DLK2: variants seen among roughly 807,000 people sequenced by gnomAD.
DLK2 encodes delta like non-canonical Notch ligand 2.
DLK2 carries 9 observed loss-of-function variants against 31.3 expected under a neutral mutation model. The observed-to-expected ratio is 0.29, with a 90% CI of 0.17 to 0.50. DLK2 has a LOEUF of 0.50. DLK2 is among the 20% of genes least tolerant of loss of function. DLK2 has a pLI of 0.98. For synonymous variants in DLK2, 169 were observed against 201.2 expected (o/e 0.84, Z 1.35); for missense variants, 387 against 526.1 (o/e 0.74, Z 2.59).
Position 43,454,884 on chromosome 6 carries a change from T to C in DLK2, c.-55-4A>G. On this transcript the variant is annotated splice_region_variant and splice_polypyrimidine_tract_variant and intron_variant, in intron 1 of 5. Transcript: ENST00000372488. ...GGACGGCCGGACGCGTGGACACCTG[T>C]GGGACGGCACCGGTTGGGAGGCGGC... 1.3e-6 allele frequency: 2 copies of C among 1,529,260 alleles called. No homozygotes were observed. The highest frequency in any genetic ancestry group is 1.7e-6 in the Non-Finnish European group (2 of 1,143,530). 94.7% of individuals were successfully genotyped at this position (1,529,260 alleles called of 1,614,324 possible).
In DLK2 at chr6:43,451,811, T is replaced by G; in HGVS notation, c.416+129A>C. ...CTAGGAACACTTTGGCATGCAGGGG[T>G]TTTATCTGAGTGTCCCCGTGTGGGT... On this transcript the variant is annotated intron_variant, in intron 5 of 5. Coordinates refer to ENST00000372488, the MANE Select transcript of DLK2 (RefSeq NM_023932.4). This position sits in a 1 kb window ranked among gnomAD's most constrained non-coding sequence, Gnocchi z 4.4. The G allele has an allele frequency of 6.4e-6, 9 of 1,417,296 alleles. No individual in the cohort carries two copies. The highest frequency in any genetic ancestry group is 3.3e-5 in the South Asian group (2 of 61,146). 87.8% of individuals were successfully genotyped at this position (1,417,296 alleles called of 1,614,324 possible).
At position 43,454,753 on chromosome 6, in the gene DLK2, G is replaced by T. The variant is rs1252186975; in HGVS notation, c.73C>A (p.Arg25=). 2 of 1,551,146 alleles carry T rather than the reference G, an allele frequency of 1.3e-6. No individual in the cohort carries two copies. The highest frequency in any genetic ancestry group is 1.7e-6 in the Non-Finnish European group (2 of 1,153,730). ...CILGAPGQPV[R]ADDCSSHCDL... Reference sequence around the variant, plus strand: ...GGAGCCCAGCGGGCGCGCTCACCTCGGACAGGCTGACCGGGAGCCCCCAGA... The same window carrying T: ...GGAGCCCAGCGGGCGCGCTCACCTCTGACAGGCTGACCGGGAGCCCCCAGA... Residue 25 remains arginine, a synonymous_variant, in exon 2 of 6, where the codon CGA becomes AGA. Transcript: ENST00000372488.
chr6:43,450,698 G>C lies in DLK2; in HGVS notation c.993C>G (p.Ala331=). The change falls in exon 6 of 6, where the codon GCC becomes GCG. Residue 331 remains alanine, a synonymous_variant. Coordinates refer to ENST00000372488, the MANE Select transcript of DLK2 (RefSeq NM_023932.4). This position sits in a 1 kb window ranked among gnomAD's most constrained non-coding sequence, Gnocchi z 4.5. The stretch of plus-strand genomic sequence containing the variant: ...CAGGGGGGCAGACACCCCGGCGCCA[G>C]GCCCTCAGGGTCAGCAACACAGTAG... ...VLATVLLTLR[A]WRRGVCPPGP... 1.2e-6 allele frequency: 2 copies of C among 1,614,044 alleles called. No individual in the cohort carries two copies. Among genetic ancestry groups the C allele is most frequent in the Non-Finnish European group, 1.7e-6 (2 of 1,179,926 alleles).
chr6:43,452,346 C>G (rs1203507834), intron 4 of DLK2, among the ~76,000 whole-genome samples: 2 of 152,224 alleles, frequency 1.3e-5, no homozygotes, highest in Non-Finnish European at 2.9e-5. Flanking sequence ...TTTGGAAGAC[C>G]AAGGTGGGCA....
chr6:43,451,869 C>A lies in DLK2; in HGVS notation c.416+71G>T. 6.3e-7 allele frequency: 1 copy of A among 1,584,280 alleles called. No homozygotes were observed. ...TCAGTCCCCCACCCTCCCAACAGTC[C>A]TGCCTCTTTTCTCATCCCATCACCA... is the stretch of plus-strand genomic sequence containing the variant. On this transcript the variant is annotated intron_variant, in intron 5 of 5. Transcript: ENST00000372488. The surrounding 1 kb of genome is among the most constrained non-coding windows in gnomAD (Gnocchi z 4.4).
At chr6:43,455,108 G>A (rs962565270) in intron 1 of DLK2, 2 of 984,278 alleles carry the variant, frequency 2.0e-6, no homozygotes, top group Non-Finnish European at 1.2e-6. Context: ...TGGGCATCGC[G>A]GAGCGAGGCC....
At chr6:43,452,212 G>A (rs916153380) in intron 4 of DLK2, 128 bp from the exon 5 acceptor site, 20 of 1,360,794 alleles carry the variant, frequency 1.5e-5, no homozygotes, top group Middle Eastern at 4.5e-4. Flanking sequence ...CCAGGCTGGC[G>A]TGGTATGCTA....
intron 4 of DLK2, among the ~76,000 whole-genome samples, chr6:43,452,497 C>T (rs1190727396): frequency 6.6e-6 from 1 of 152,214 alleles, no homozygotes; most frequent in South Asian, 2.1e-4. Flanking sequence ...GGGTGGATCA[C>T]TTGAGGTCAG....
In DLK2 at chr6:43,454,855, G is replaced by A. The variant is rs1356702983; in HGVS notation, c.-30C>T. On this transcript the variant is annotated 5_prime_UTR_variant, in exon 2 of 6. Coordinates refer to ENST00000372488, the MANE Select transcript of DLK2 (RefSeq NM_023932.4). Reference sequence around the variant, plus strand: ...AGCGCCGGCCCCAGGAGGGACGGACGGATGGACGGCCGGACGCGTGGACAC... The same window carrying A: ...AGCGCCGGCCCCAGGAGGGACGGACAGATGGACGGCCGGACGCGTGGACAC... 15 of 1,537,678 alleles carry A rather than the reference G, an allele frequency of 9.8e-6. No homozygotes were observed. Among genetic ancestry groups the A allele is most frequent in the Middle Eastern group, 1.7e-4 (1 of 5,882 alleles).
In DLK2 at chr6:43,452,989, C is replaced by G; in HGVS notation, c.271+16G>C. 1 of 1,613,578 alleles carries G rather than the reference C, an allele frequency of 6.2e-7. No homozygotes were observed. The highest frequency in any genetic ancestry group is 8.5e-7 in the Non-Finnish European group (1 of 1,179,818). ...CATGGGGTTCCCAACCAAAAGCTAC[C>G]CTTCCTCCCCCCTACCTTTGTCACA... On this transcript the variant is annotated intron_variant, in intron 4 of 5. Coordinates refer to ENST00000372488, the MANE Select transcript of DLK2 (RefSeq NM_023932.4).
chr6:43,455,585 C>T (rs1783950914), upstream of DLK2: 1 of 149,632 alleles, frequency 6.7e-6, no homozygotes, highest in South Asian at 2.1e-4. Flanking sequence ...GCAGCGGCTG[C>T]TCCTCGCGCG....
Position 43,454,796 on chromosome 6 carries a change from G to C in DLK2, c.30C>G (p.Leu10=). The C allele has an allele frequency of 1.3e-6, 2 of 1,558,248 alleles. No homozygotes were observed. Among genetic ancestry groups the C allele is most frequent in the Non-Finnish European group, 1.7e-6 (2 of 1,158,206 alleles). Residue 10 remains leucine (L), a synonymous_variant, in exon 2 of 6, where the codon CTC becomes CTG. Coordinates refer to ENST00000372488, the MANE Select transcript of DLK2 (RefSeq NM_023932.4). MPSGCRCLH[L]VCLLCILGAP... ...CCCCCAGAATGCACAACAGGCACAC[G>C]AGATGCAGGCAGCGGCAGCCGCTGG...
intron 1 of DLK2, 93 bp from the exon 2 acceptor site, chr6:43,454,973 C>A: frequency 7.1e-7 from 1 of 1,414,492 alleles, no homozygotes; most frequent in Non-Finnish European, 9.3e-7. Flanking sequence ...GGGAGAGGGG[C>A]GCCGGGACAG....
intron 4 of DLK2, among the ~76,000 whole-genome samples, chr6:43,452,405 A>C (rs1460011916): frequency 6.6e-6 from 1 of 152,032 alleles, no homozygotes; most frequent in Non-Finnish European, 1.5e-5. Flanking sequence ...ACATGGCAAA[A>C]CCCCATCTCT....
chr6:43,455,178 G>C (rs912525710), intron 1 of DLK2: 18 of 815,658 alleles, frequency 2.2e-5, no homozygotes, highest in Non-Finnish European at 2.5e-5. Flanking sequence ...GCGGGATGGG[G>C]ACAGCGCCGA....
rs376920037 is a variant in DLK2, at chr6:43,454,744, G to T, written c.76+6C>A. ...GCCGCGACTGGAGCCCAGCGGGCGCGCTCACCTCGGACAGGCTGACCGGGA... is the reference window on the plus strand; with the variant it reads ...GCCGCGACTGGAGCCCAGCGGGCGCTCTCACCTCGGACAGGCTGACCGGGA... On this transcript the variant is annotated splice_donor_region_variant and intron_variant, in intron 2 of 5. Coordinates refer to ENST00000372488, the MANE Select transcript of DLK2 (RefSeq NM_023932.4). 4 of 1,548,168 alleles carry T rather than the reference G, an allele frequency of 2.6e-6. No homozygotes were observed. The South Asian group carries it at 3.6e-5, about 14-fold the overall frequency.
Position 43,454,837 on chromosome 6 carries a change from G to A in DLK2, c.-12C>T, listed in dbSNP as rs758221327. 1.0e-5 allele frequency: 16 copies of A among 1,542,970 alleles called. No individual in the cohort carries two copies. The African/African-American group carries it at 1.1e-4, about 11-fold the overall frequency. ...CAGCCGCTGGGCATGGTCAGCGCCG[G>A]CCCCAGGAGGGACGGACGGATGGAC... On this transcript the variant is annotated 5_prime_UTR_variant, in exon 2 of 6. Coordinates refer to ENST00000372488, the MANE Select transcript of DLK2 (RefSeq NM_023932.4).
Position 43,451,182 on chromosome 6 carries a change from C to T in DLK2, c.509G>A (p.Arg170His), listed in dbSNP as rs146281594. 4.7e-5 allele frequency: 76 copies of T among 1,614,036 alleles called. No individual in the cohort carries two copies. The African/African-American group carries it at 9.1e-4, about 19-fold the overall frequency. ...GCAGTCATCCACATTTACCTCACAG[C>T]GGGCACCCACAAAGCCCACCAAGCA... Reference protein sequence around the residue: ...CRCLVGFVGARCEVNVDDCLM... With the variant: ...CRCLVGFVGAHCEVNVDDCLM... Residue 170 changes from arginine to histidine, a missense_variant, in exon 6 of 6, where the codon CGC becomes CAC. Physicochemically the swap from Arg to His is conservative, Grantham distance 29. Coordinates refer to ENST00000372488, the MANE Select transcript of DLK2 (RefSeq NM_023932.4). This position sits in a 1 kb window ranked among gnomAD's most constrained non-coding sequence, Gnocchi z 4.4.
upstream of DLK2, chr6:43,456,062 C>CAAG (rs1281846142): frequency 3.3e-5 from 5 of 152,842 alleles, no homozygotes; most frequent in Middle Eastern, 3.3e-3. Context: ...TCCAGCCTTC[C>CAAG]AAGATCAACC....
Sources: allele counts gnomAD v4.1 joint callset (sites outside exome capture counted in the v4.1 genomes callset), GRCh38; gene constraint gnomAD v4.1.1; non-coding constraint Gnocchi (gnomAD v3.1); transcripts MANE v1.5; gene names NCBI Gene and HGNC (gene_info 2026-07-23, HGNC 2026-07-21).